The following CSMD3 variants were observed in gnomAD, a reference collection of about 807,000 sequenced individuals.
The protein encoded by CSMD3 is CUB and Sushi multiple domains 3, also known as CUB and sushi domain-containing protein 3.
In CSMD3, 177 loss-of-function variants were observed where a neutral mutation model predicts 435.2. That is an observed-to-expected ratio of 0.41 (90% confidence interval 0.36 to 0.46). CSMD3 has a LOEUF of 0.46. Among genes scored for constraint, CSMD3 ranks in the 20% least tolerant of loss-of-function variants. The probability of loss-of-function intolerance (pLI) is 0.34; values close to 1 mark genes in which losing one functional copy is unlikely to be tolerated. For synonymous variants in CSMD3, 1,656 were observed against 1,520.5 expected (o/e 1.09, Z -2.07); for missense variants, 4,265 against 4,504.6 (o/e 0.95, Z 1.52).
chr8:112,287,598 A>C (rs2130641060), intron 57 of CSMD3, among the ~76,000 whole-genome samples: 1 of 152,178 alleles, frequency 6.6e-6, no homozygotes, highest in African/African-American at 2.4e-5. Context: ...ATAAAACCAA[A>C]ATTTAAAAAA....
At chr8:113,013,812 T>G (rs1385144076) in intron 6 of CSMD3, among the ~76,000 whole-genome samples, 1 of 152,090 alleles carries the variant, frequency 6.6e-6, no homozygotes, top group Non-Finnish European at 1.5e-5. Flanking sequence ...CTAGAGCCCC[T>G]TCAGTCATTG....
At chr8:112,679,075 G>A (rs2075828266) in intron 16 of CSMD3, among the ~76,000 whole-genome samples, 1 of 141,290 alleles carries the variant, frequency 7.1e-6, no homozygotes, top group African/African-American at 2.7e-5. Context: ...ATGGTGGGGG[G>A]ATGGGGCAGG....
intron 13 of CSMD3, among the ~76,000 whole-genome samples, chr8:112,693,858 T>G (rs1225357756): frequency 2.0e-5 from 3 of 151,882 alleles, no homozygotes; most frequent in Admixed American, 2.0e-4. Flanking sequence ...TTTTGCATTC[T>G]AGAAGAATTC....
intron 4 of CSMD3, among the ~76,000 whole-genome samples, chr8:113,146,971 TA>T (rs2091689540): frequency 6.6e-6 from 1 of 151,718 alleles, no homozygotes; most frequent in South Asian, 2.1e-4. Flanking sequence ...ATACTTTACT[TA>T]AAAGGTGATA....
intron 13 of CSMD3, among the ~76,000 whole-genome samples, chr8:112,714,762 T>G (rs1245271968): frequency 6.6e-6 from 1 of 152,094 alleles, no homozygotes; most frequent in Non-Finnish European, 1.5e-5. Context: ...AACTCAGGAT[T>G]ATGAAACACT....
intron 23 of CSMD3, among the ~76,000 whole-genome samples, chr8:112,584,164 T>G (rs1223753221): frequency 6.6e-6 from 1 of 151,840 alleles, no homozygotes; most frequent in Non-Finnish European, 1.5e-5. Flanking sequence ...AGTAAAATAT[T>G]TTGATGTATA....
intron 28 of CSMD3, among the ~76,000 whole-genome samples, chr8:112,513,692 A>G (rs1005090444): frequency 3.4e-4 from 52 of 152,290 alleles, no homozygotes; most frequent in African/African-American, 1.2e-3. Flanking sequence ...TTCAATTTGT[A>G]AAAAAACGTA....
chr8:113,359,705 C>G (rs750884694), intron 1 of CSMD3, among the ~76,000 whole-genome samples: 1 of 152,126 alleles, frequency 6.6e-6, no homozygotes, highest in Non-Finnish European at 1.5e-5. Flanking sequence ...TTGTTGCAAG[C>G]AATTATTTGC....
chr8:113,046,224 G>A lies in CSMD3; in HGVS notation c.918-27045C>T, dbSNP rs142298143. On this transcript the variant is annotated intron_variant, in intron 5 of 70. Coordinates refer to ENST00000297405, the MANE Select transcript of CSMD3 (RefSeq NM_198123.2). ...GCCAACCACACGAGGTGCGACCCCA[G>A]GTGTGTGAGGGAAAGGCCCCTACCC... 6.2e-3 allele frequency among the ~76,000 whole-genome samples: 918 copies of A among 148,760 alleles called. 98 individuals carry two copies. The highest frequency in any genetic ancestry group is 0.01 in the Admixed American group (152 of 14,926).
chr8:112,388,906 T>C (rs1830183320), intron 36 of CSMD3, among the ~76,000 whole-genome samples: 1 of 152,018 alleles, frequency 6.6e-6, no homozygotes, highest in African/African-American at 2.4e-5. Flanking sequence ...GAACAATGGA[T>C]TGAATTGCAA....
At chr8:112,525,757 T>C (rs1434174738) in intron 27 of CSMD3, among the ~76,000 whole-genome samples, 1 of 141,632 alleles carries the variant, frequency 7.1e-6, no homozygotes, top group Non-Finnish European at 1.5e-5. Context: ...TATACATATA[T>C]ATATATATAT....
At chr8:113,093,780 A>G (rs2090079405) in intron 5 of CSMD3, among the ~76,000 whole-genome samples, 1 of 152,180 alleles carries the variant, frequency 6.6e-6, no homozygotes, top group African/African-American at 2.4e-5. Flanking sequence ...ATAAAAATAA[A>G]TAATTGTGCA....
chr8:112,371,744 C>T (rs564306330), intron 38 of CSMD3, among the ~76,000 whole-genome samples: 34 of 151,764 alleles, frequency 2.2e-4, no homozygotes, highest in South Asian at 1.0e-3. Context: ...AAAAATTAGC[C>T]GGGCATGGTG....
rs2131589472 is a variant in CSMD3, at chr8:112,638,814, C to G, written c.3408G>C (p.Leu1136=). ...NGSFTQPLAR[L]TGSDLPPTIN... The stretch of plus-strand genomic sequence containing the variant: ...TTGTTGGAGGAAGATCTGAACCAGT[C>G]AGGCGTGCCAGTGGTTGGGTAAAAC... Residue 1136 remains leucine, a synonymous_variant, in exon 21 of 71, where the codon CTG becomes CTC. Coordinates refer to ENST00000297405, the MANE Select transcript of CSMD3 (RefSeq NM_198123.2). 6.2e-7 allele frequency: 1 copy of G among 1,611,812 alleles called. No individual in the cohort carries two copies. Among genetic ancestry groups the G allele is most frequent in the African/African-American group, 1.3e-5 (1 of 74,892 alleles).
chr8:112,353,234 T>C (rs140137172), intron 38 of CSMD3, among the ~76,000 whole-genome samples: 3,453 of 151,984 alleles, frequency 0.023, 142 homozygotes, highest in African/African-American at 0.078. Context: ...CTACTAAAAA[T>C]ACAAAAATTA....
chr8:112,571,808 G>A lies in CSMD3; in HGVS notation c.4042+1693C>T, dbSNP rs528069621. Among the ~76,000 whole-genome samples, 169 of 151,112 alleles carry A rather than the reference G, an allele frequency of 1.1e-3. 2 individuals carry two copies. The highest frequency in any genetic ancestry group is 4.0e-3 in the African/African-American group (166 of 41,202). On this transcript the variant is annotated intron_variant, in intron 24 of 70. Transcript: ENST00000297405. ...TGCTTGAACCTGGGAGGGAGAGGTT[G>A]CAGTAAGCAAAGATCGCGCCATTGC...
At chr8:113,157,829 G>A (rs750084715) in intron 4 of CSMD3, among the ~76,000 whole-genome samples, 8 of 151,980 alleles carry the variant, frequency 5.3e-5, no homozygotes, top group African/African-American at 1.2e-4. Context: ...TGGCTACCTC[G>A]TCAAGAAGAG....
intron 5 of CSMD3, among the ~76,000 whole-genome samples, chr8:113,039,867 T>C (rs2087528920): frequency 6.6e-6 from 1 of 152,224 alleles, no homozygotes; most frequent in African/African-American, 2.4e-5. Flanking sequence ...TCAAGAATTA[T>C]TTTTTCACTC....
chr8:113,373,299 A>T (rs985108729), intron 1 of CSMD3, among the ~76,000 whole-genome samples: 16 of 152,104 alleles, frequency 1.1e-4, no homozygotes, highest in Admixed American at 1.0e-3. Context: ...CGAAAAAATA[A>T]TTTTTCTATT....
Sources: gnomAD v4.1 joint callset for allele counts (sites outside exome capture counted in the v4.1 genomes callset) on GRCh38, gnomAD v4.1.1 for gene constraint, MANE v1.5 for transcripts, NCBI Gene and HGNC (gene_info 2026-07-23, HGNC 2026-07-21) for gene names.